Variants in SNX1 observed in about 807,000 individuals in gnomAD.
SNX1 encodes the protein sorting nexin-1.
Under a neutral mutation model 71.8 loss-of-function variants are expected in SNX1, and 36 were observed. The observed-to-expected ratio is 0.50, with a 90% CI of 0.38 to 0.66. The LOEUF (loss-of-function observed/expected upper bound fraction) is 0.66, where lower values mean the gene tolerates loss of function less well. SNX1 is among the 30% of genes least tolerant of loss of function. SNX1 has a pLI of 0.00. For synonymous variants in SNX1, 254 were observed against 240.7 expected, an observed-to-expected ratio of 1.06 and a Z score of -0.51; for missense variants, 612 against 646.7, an observed-to-expected ratio of 0.95 and a Z score of 0.58.
At chr15:64,098,031 A>G (rs928925948) in intron 1 of SNX1, among the ~76,000 whole-genome samples, 1 of 152,218 alleles carries the variant, frequency 6.6e-6, no homozygotes, top group Admixed American at 6.5e-5. Flanking sequence ...ATAAAACAGG[A>G]AACAATTTTT....
intron 1 of SNX1, among the ~76,000 whole-genome samples, chr15:64,097,007 C>T (rs909881378): frequency 6.6e-6 from 1 of 152,240 alleles, no homozygotes; most frequent in Admixed American, 6.5e-5. Flanking sequence ...CGAGAAAGCA[C>T]CCCACAGGGT....
chr15:64,119,037 C>T (rs946055761), intron 4 of SNX1, among the ~76,000 whole-genome samples, 183 bp downstream of exon 4: 5 of 147,302 alleles, frequency 3.4e-5, no homozygotes, highest in Non-Finnish European at 4.4e-5. Context: ...TTACTCAATG[C>T]GTTAGTCAGT....
intron 6 of SNX1, 103 bp from the exon 7 acceptor site, chr15:64,127,071 T>C: frequency 2.4e-6 from 2 of 840,926 alleles, no homozygotes; most frequent in Non-Finnish European, 3.9e-6. Context: ...TTAGGCTGTG[T>C]GCTAGCCTCA....
intron 3 of SNX1, 120 bp from the exon 4 acceptor site, chr15:64,118,668 A>G: frequency 1.4e-6 from 1 of 721,164 alleles, no homozygotes; most frequent in Non-Finnish European, 2.3e-6. Flanking sequence ...GGAATGGACA[A>G]AAGCTGAACA....
rs1418595770 is a variant in SNX1 at position 64,096,082 on chromosome 15, G to A, written c.69G>A (p.Pro23=). 2 of 1,574,582 alleles carry A rather than the reference G, an allele frequency of 1.3e-6. No homozygotes were observed. Among genetic ancestry groups the A allele is most frequent in the Non-Finnish European group, 8.6e-7 (1 of 1,163,240 alleles). Residue 23 remains proline, a synonymous_variant, in exon 1 of 15, where the codon CCG becomes CCA. Coordinates refer to ENST00000559844, the MANE Select transcript of SNX1 (RefSeq NM_003099.5). Reference sequence around the variant, plus strand: ...CTCCGCCCTTCCCCGGCCTGGAGCCGGAGTCCGAGGGGGCGGCCGGGGGAT... The same window carrying A: ...CTCCGCCCTTCCCCGGCCTGGAGCCAGAGTCCGAGGGGGCGGCCGGGGGAT... The part of the protein sequence containing the change: ...RLPPPFPGLE[P]ESEGAAGGSE...
chr15:64,125,635 A>G (rs2081243073), intron 5 of SNX1, among the ~76,000 whole-genome samples: 1 of 152,060 alleles, frequency 6.6e-6, no homozygotes, highest in Admixed American at 6.5e-5. Context: ...ACAAAGTGAG[A>G]TCCTGTCTCC....
At chr15:64,130,055 C>T (rs748080332) in intron 9 of SNX1, 26 bp downstream of exon 9, 16 of 1,551,752 alleles carry the variant, frequency 1.0e-5, no homozygotes, top group Non-Finnish European at 1.2e-5. Context: ...CCTCTTACCT[C>T]CACCTACACC....
chr15:64,127,379 C>T, intron 7 of SNX1, 127 bp downstream of exon 7: 2 of 711,728 alleles, frequency 2.8e-6, no homozygotes, highest in East Asian at 5.4e-5. Flanking sequence ...TTGCACACCT[C>T]CATATTATCT....
rs74019215 is a variant in SNX1 at position 64,137,725 on chromosome 15, A to G, written c.*107A>G. 9,710 of 1,564,938 alleles carry G rather than the reference A, an allele frequency of 6.2e-3. 515 individuals carry two copies. The African/African-American group carries it at 0.11, about 19-fold the overall frequency. ...ATGCATCCTGCCTAGGCTGGACTTA[A>G]CCCCTTCCTCCCTGTCCCCACGACC... On this transcript the variant is annotated 3_prime_UTR_variant, in exon 15 of 15. Coordinates refer to ENST00000559844, the MANE Select transcript of SNX1 (RefSeq NM_003099.5).
At chr15:64,111,663 G>A (rs2081079397) in intron 1 of SNX1, 1 of 152,170 alleles carries the variant, frequency 6.6e-6, no homozygotes, top group South Asian at 2.1e-4. Context: ...ACTTTGTTGG[G>A]TCAGAAAAGG....
intron 1 of SNX1, among the ~76,000 whole-genome samples, chr15:64,105,128 A>T (rs1422801411): frequency 6.6e-6 from 1 of 151,246 alleles, no homozygotes; most frequent in Non-Finnish European, 1.5e-5. Context: ...CCAGCTACTC[A>T]GGAGGCTGAG....
intron 13 of SNX1, 32 bp downstream of exon 13, chr15:64,136,442 A>C: frequency 6.4e-7 from 1 of 1,565,606 alleles, no homozygotes. Flanking sequence ...CTCACTTAGC[A>C]TGCAGTGCTT....
chr15:64,130,589 G>A (rs547166210), intron 10 of SNX1, among the ~76,000 whole-genome samples: 127 of 152,326 alleles, frequency 8.3e-4, no homozygotes, highest in African/African-American at 3.0e-3. Flanking sequence ...ATGGGCTTCT[G>A]TTGATTTTGA....
chr15:64,134,675 C>T lies in SNX1; in HGVS notation c.1233C>T (p.Asp411=). 1 of 1,612,002 alleles carries T rather than the reference C, an allele frequency of 6.2e-7. No homozygotes were observed. Among genetic ancestry groups the T allele is most frequent in the South Asian group, 1.1e-5 (1 of 90,914 alleles). Reference sequence around the variant, plus strand: ...CCCCACCCCCACAGGCTGCCTTCGACCAGCGCATGAAGACATGGCAGCGCT... The same window carrying T: ...CCCCACCCCCACAGGCTGCCTTCGATCAGCGCATGAAGACATGGCAGCGCT... The part of the protein sequence containing the change: ...RLLAIVRAAF[D]QRMKTWQRWQ... The change falls in exon 12 of 15, where the codon GAC becomes GAT. Residue 411 remains aspartate (D), a synonymous_variant. Transcript: ENST00000559844. The surrounding 1 kb of genome is among the most constrained non-coding windows in gnomAD (Gnocchi z 4.1).
chr15:64,096,375 G>A (rs2080901320), intron 1 of SNX1, among the ~76,000 whole-genome samples: 1 of 152,216 alleles, frequency 6.6e-6, no homozygotes, highest in South Asian at 2.1e-4. Flanking sequence ...TAAAGAATGA[G>A]GGTTGTGGTG....
chr15:64,102,669 A>C lies in SNX1; in HGVS notation c.159+6497A>C, dbSNP rs543066837. The stretch of plus-strand genomic sequence containing the variant: ...CTGACTTCTTTCACTTAACGTAATG[A>C]CCTCCAGTTCCATCCATGTTGCTCT... On this transcript the variant is annotated intron_variant, in intron 1 of 14. Transcript: ENST00000559844. 6.0e-5 allele frequency among the ~76,000 whole-genome samples: 9 copies of C among 149,294 alleles called. No individual in the cohort carries two copies. In the South Asian group the frequency reaches 1.9e-3, roughly 32 times the overall value.
In SNX1 at chr15:64,123,520, T is replaced by C; in HGVS notation, c.484T>C (p.Tyr162His). 6.2e-7 allele frequency: 1 copy of C among 1,614,032 alleles called. No individual in the cohort carries two copies. Among genetic ancestry groups the C allele is most frequent in the Non-Finnish European group, 8.5e-7 (1 of 1,179,888 alleles). ...PEKIGDGMNAYVAYKVTTQTS... is the reference protein window; with the variant it reads ...PEKIGDGMNAHVAYKVTTQTS... ...TCTCACAGGGGATGGTATGAATGCA[T>C]ATGTAGCCTACAAAGTTACAACACA... is the stretch of plus-strand genomic sequence containing the variant. The change falls in exon 5 of 15, where the codon TAT (tyrosine) becomes CAT (histidine). Residue 162 changes from tyrosine to histidine, a missense_variant. Physicochemically the swap from Tyr to His is moderately conservative, Grantham distance 83 (BLOSUM62 2). Transcript: ENST00000559844.
intron 1 of SNX1, among the ~76,000 whole-genome samples, chr15:64,110,103 C>T (rs1056401322): frequency 6.6e-6 from 1 of 152,144 alleles, no homozygotes; most frequent in Non-Finnish European, 1.5e-5. Context: ...AGTTCAGTAA[C>T]TAAAAGTGGG....
intron 4 of SNX1, 122 bp downstream of exon 4, chr15:64,118,976 T>C (rs1306015187): frequency 2.9e-6 from 2 of 681,068 alleles, no homozygotes; most frequent in Admixed American, 5.1e-5. Context: ...CATTAGTATC[T>C]TTTCTGTAAA....
Sources: gnomAD v4.1 joint callset for allele counts (sites outside exome capture counted in the v4.1 genomes callset) on GRCh38, gnomAD v4.1.1 for gene constraint, Gnocchi (gnomAD v3.1) non-coding constraint, MANE v1.5 for transcripts, NCBI Gene and HGNC (gene_info 2026-07-23, HGNC 2026-07-21) for gene names.